Variants in OGFR observed in about 807,000 individuals in gnomAD.
OGFR encodes the protein opioid growth factor receptor, also known as protein 7-60.
In OGFR, 18 loss-of-function variants were observed where a neutral mutation model predicts 33.6. The observed-to-expected ratio is 0.54, with a 90% CI of 0.37 to 0.80. The LOEUF is 0.80. Ranked by LOEUF, OGFR falls within the 30% of genes least tolerant of loss-of-function variation. The pLI, the probability that OGFR is intolerant of heterozygous loss-of-function variation, is 0.00. For missense variants in OGFR, 877 were observed against 955.8 expected, an observed-to-expected ratio of 0.92 and a Z score of 1.09; for synonymous variants, 370 against 400.7, an observed-to-expected ratio of 0.92 and a Z score of 0.91.
At chr20:62,807,937 G>T in intron 2 of OGFR, 1 of 599,712 alleles carries the variant, frequency 1.7e-6, no homozygotes, top group Non-Finnish European at 3.0e-6. Context: ...CCTGTCTCCT[G>T]CAGGTTGTCC....
chr20:62,808,169 C>G, intron 2 of OGFR, 78 bp from the exon 3 acceptor site: 1 of 1,130,422 alleles, frequency 8.8e-7, no homozygotes, highest in Non-Finnish European at 1.4e-6. Context: ...GCAGATGCGC[C>G]TCCCCGAAAG....
chr20:62,810,832 G>A (rs11698564), intron 5 of OGFR, among the ~76,000 whole-genome samples: 9,217 of 152,380 alleles, frequency 0.06, 337 homozygotes, highest in South Asian at 0.13. Flanking sequence ...GAGACCCGGA[G>A]TGGCGGGACC....
Position 62,813,847 on chromosome 20 carries a change from C to G in OGFR, c.*198C>G, listed in dbSNP as rs1286272122. On this transcript the variant is annotated 3_prime_UTR_variant, in exon 7 of 7. Coordinates refer to ENST00000290291, the MANE Select transcript of OGFR (RefSeq NM_007346.4). The stretch of plus-strand genomic sequence containing the variant: ...CAGGGAAGCCCAAGGCCTGCAGAAG[C>G]CTCCTGGCCTGGCTGTGTCTTCCCC... 1 of 628,530 alleles carries G rather than the reference C, an allele frequency of 1.6e-6. No individual in the cohort carries two copies. Among genetic ancestry groups the G allele is most frequent in the Non-Finnish European group, 2.8e-6 (1 of 362,688 alleles). The allele number at this position is 628,530 out of a possible 1,614,324, so 38.9% of individuals were successfully genotyped here.
At position 62,811,530 on chromosome 20, in the gene OGFR, C is replaced by T. The variant is rs775204348; in HGVS notation, c.534C>T (p.Tyr178=). 3.4e-5 allele frequency: 55 copies of T among 1,607,782 alleles called. No homozygotes were observed. Among genetic ancestry groups the T allele is most frequent in the Admixed American group, 6.7e-5 (4 of 59,428 alleles). ...CCTACGAGCTCATGCTGGGCTTCTA[C>T]GGGATCCGGCTGGAGGACCGAGGCA... ...VRAYELMLGF[Y]GIRLEDRGTG... Residue 178 remains tyrosine, a synonymous_variant, in exon 6 of 7, where the codon TAC becomes TAT. Coordinates refer to ENST00000290291, the MANE Select transcript of OGFR (RefSeq NM_007346.4).
Position 62,804,894 on chromosome 20 carries a change from A to C in OGFR, c.35A>C (p.Glu12Ala), listed in dbSNP as rs1437407922. ...DDPDCDSTWEEDEEDAEDAED... is the reference protein window; with the variant it reads ...DDPDCDSTWEADEEDAEDAED... ...CCCGACTGCGACTCCACCTGGGAGG[A>C]GGACGAGGAGGATGCGGAGGACGCG... Residue 12 changes from glutamate (E) to alanine (A), a missense_variant, in exon 1 of 7, where the codon GAG becomes GCG. Around this residue, in one of 3 missense-constraint regions of OGFR, gnomAD observed 760 missense variants for 736.0 expected, o/e 1.03. Coordinates refer to ENST00000290291, the MANE Select transcript of OGFR (RefSeq NM_007346.4). The C allele has an allele frequency of 2.7e-6, 4 of 1,486,510 alleles. No homozygotes were observed. The Admixed American group carries it at 9.1e-5, about 34-fold the overall frequency. 92.1% of individuals were successfully genotyped at this position (1,486,510 alleles called of 1,614,324 possible).
rs150459760 is a variant in OGFR at position 62,813,622 on chromosome 20, G to A, written c.2007G>A (p.Glu669=). The change falls in exon 7 of 7, where the codon GAG becomes GAA. Residue 669 remains glutamate, a synonymous_variant. Coordinates refer to ENST00000290291, the MANE Select transcript of OGFR (RefSeq NM_007346.4). Reference sequence around the variant, plus strand: ...CAGAGTTGCAGGACGCAGAGGTGGAGTCTTCTGCCAAGTCTGGGAAGCCTT... The same window carrying A: ...CAGAGTTGCAGGACGCAGAGGTGGAATCTTCTGCCAAGTCTGGGAAGCCTT... The part of the protein sequence containing the change: ...EAAELQDAEV[E]SSAKSGKP 2.0e-4 allele frequency: 329 copies of A among 1,612,734 alleles called. 1 individual carries two copies. The African/African-American group carries it at 3.9e-3, about 19-fold the overall frequency.
rs778085314 is a variant in OGFR at position 62,812,590 on chromosome 20, C to G, written c.975C>G (p.Thr325=). The part of the protein sequence containing the change: ...SPGDPDHEAS[T]QGRTCGPEHS... ...GGGACCCCGACCACGAGGCCAGCAC[C>G]CAGGGTCGGACCTGTGGGCCAGAGC... The change falls in exon 7 of 7, where the codon ACC becomes ACG. Residue 325 remains threonine, a synonymous_variant. Transcript: ENST00000290291. The G allele has an allele frequency of 1.3e-6, 2 of 1,570,680 alleles. No homozygotes were observed. Among genetic ancestry groups the G allele is most frequent in the African/African-American group, 1.4e-5 (1 of 74,050 alleles).
At chr20:62,808,450 G>T in intron 3 of OGFR, 125 bp downstream of exon 3, 1 of 712,000 alleles carries the variant, frequency 1.4e-6, no homozygotes, top group Non-Finnish European at 2.4e-6. Context: ...TAGCCCCACA[G>T]TGCCCCCTGG....
At chr20:62,805,599 C>G (rs901801111) in intron 1 of OGFR, 1 of 152,282 alleles carries the variant, frequency 6.6e-6, no homozygotes, top group African/African-American at 2.4e-5. Context: ...GCCCCCCTGT[C>G]GGGGAGCTGG....
In OGFR at chr20:62,813,134, C is replaced by A. The variant is rs373481743; in HGVS notation, c.1519C>A (p.Arg507=). 18 of 1,579,396 alleles carry A rather than the reference C, an allele frequency of 1.1e-5. No homozygotes were observed. Among genetic ancestry groups the A allele is most frequent in the Admixed American group, 1.1e-4 (6 of 55,184 alleles). ...ENGVEEDTEG[R]TGPKEGTPGS... is the part of the protein sequence containing the mutation. ...CGGGGTTGAGGAGGACACAGAAGGT[C>A]GAACGGGGCCCAAAGAAGGTACCCC... is the stretch of plus-strand genomic sequence containing the variant. Residue 507 remains arginine, a synonymous_variant, in exon 7 of 7, where the codon CGA becomes AGA. Coordinates refer to ENST00000290291, the MANE Select transcript of OGFR (RefSeq NM_007346.4).
chr20:62,810,766 AACTC>A (rs1990710168), intron 5 of OGFR, among the ~76,000 whole-genome samples: 1 of 152,216 alleles, frequency 6.6e-6, no homozygotes, highest in Non-Finnish European at 1.5e-5. Flanking sequence ...CATCTAGAGA[AACTC>A]AATTTCCGAG....
rs747728332 is a variant in OGFR at position 62,813,100 on chromosome 20, CAGTG to C, written c.1488_1491del (p.Ser496ArgfsTer217). On this transcript the variant is annotated frameshift_variant, in exon 7 of 7. Transcript: ENST00000290291. LOFTEE classifies it low-confidence loss of function (END_TRUNC). ...CATCGGGGCACCCCAAGGCTGGACA[CAGTG>C]AGAACGGGGTTGAGGAGGACACAGA... 1.1e-4 allele frequency: 168 copies of C among 1,579,464 alleles called. No homozygotes were observed. The highest frequency in any genetic ancestry group is 3.4e-4 in the Middle Eastern group (2 of 5,864).
chr20:62,812,337 T>C lies in OGFR; in HGVS notation c.722T>C (p.Leu241Pro). ...PLVRFFLEET[L>P]VRRELPGVRQ... ...GTCCGCTTCTTCCTGGAGGAGACGC[T>C]GGTGCGGCGGGAGCTGCCGGGGGTG... Residue 241 changes from leucine to proline, a missense_variant, in exon 7 of 7, where the codon CTG becomes CCG. Physicochemically the swap from Leu to Pro is moderately conservative, Grantham distance 98. Transcript: ENST00000290291. 6.4e-7 allele frequency: 1 copy of C among 1,571,100 alleles called. No individual in the cohort carries two copies. The highest frequency in any genetic ancestry group is 8.6e-7 in the Non-Finnish European group (1 of 1,158,756).
At position 62,812,914 on chromosome 20, in the gene OGFR, T is replaced by G; in HGVS notation, c.1299T>G (p.Gly433=). Residue 433 remains glycine, a synonymous_variant, in exon 7 of 7, where the codon GGT becomes GGG. Transcript: ENST00000290291. ...GGACGGGGACCCAGGAAGTGGGCGG[T>G]CAGGACCCTGGGGAGGCAGTGCAGC... ...SLRTGTQEVG[G]QDPGEAVQPC... The G allele has an allele frequency of 6.2e-7, 1 of 1,612,304 alleles. No individual in the cohort carries two copies. The highest frequency in any genetic ancestry group is 8.5e-7 in the Non-Finnish European group (1 of 1,179,878).
In OGFR at chr20:62,810,486, T is replaced by G. The variant is rs1226199534; in HGVS notation, c.399-13T>G. ...TCTCCTAATCCCTTGCCTGAGCATC[T>G]CTTCTCCTGCAGGCTGTTTCCTCTG... On this transcript the variant is annotated splice_polypyrimidine_tract_variant and intron_variant, in intron 4 of 6. Coordinates refer to ENST00000290291, the MANE Select transcript of OGFR (RefSeq NM_007346.4). 6.2e-7 allele frequency: 1 copy of G among 1,612,908 alleles called. No individual in the cohort carries two copies. Among genetic ancestry groups the G allele is most frequent in the African/African-American group, 1.3e-5 (1 of 74,940 alleles).
chr20:62,810,800 G>A (rs1335499374), intron 5 of OGFR, among the ~76,000 whole-genome samples: 4 of 152,270 alleles, frequency 2.6e-5, no homozygotes, highest in African/African-American at 9.6e-5. Context: ...CCCCATGCGG[G>A]AGTCTGGGGC....
chr20:62,812,272 G>A lies in OGFR; in HGVS notation c.657G>A (p.Ser219=), dbSNP rs781191511. The change falls in exon 7 of 7, where the codon TCG becomes TCA. Residue 219 remains serine, a synonymous_variant. Coordinates refer to ENST00000290291, the MANE Select transcript of OGFR (RefSeq NM_007346.4). ...NNLRITRILK[S]LGELGLEHFQ... ...TCCGCATCACACGCATCCTCAAGTC[G>A]CTGGGTGAGCTGGGCCTCGAGCACT... The A allele has an allele frequency of 4.2e-5, 64 of 1,531,632 alleles. No individual in the cohort carries two copies. The highest frequency in any genetic ancestry group is 4.9e-5 in the Non-Finnish European group (56 of 1,138,978). 94.9% of individuals were successfully genotyped at this position (1,531,632 alleles called of 1,614,324 possible). A position where few individuals can be genotyped will look rare whatever the true frequency, so the allele number is the denominator to read the frequency against.
Position 62,804,883 on chromosome 20 carries a change from C to T in OGFR, c.24C>T (p.Ser8=), listed in dbSNP as rs985604812. 5 of 1,492,810 alleles carry T rather than the reference C, an allele frequency of 3.3e-6. No individual in the cohort carries two copies. The African/African-American group carries it at 7.3e-5, about 22-fold the overall frequency. 92.5% of individuals were successfully genotyped at this position (1,492,810 alleles called of 1,614,324 possible). A position where few individuals can be genotyped will look rare whatever the true frequency, so the allele number is the denominator to read the frequency against. MDDPDCD[S]TWEEDEEDAE... is the part of the protein sequence containing the mutation. Reference sequence around the variant, plus strand: ...GCATGGACGACCCCGACTGCGACTCCACCTGGGAGGAGGACGAGGAGGATG... The same window carrying T: ...GCATGGACGACCCCGACTGCGACTCTACCTGGGAGGAGGACGAGGAGGATG... The change falls in exon 1 of 7, where the codon TCC becomes TCT. Residue 8 remains serine (S), a synonymous_variant. Transcript: ENST00000290291.
At chr20:62,807,773 C>T (rs1455564182) in intron 2 of OGFR, 168 bp downstream of exon 2, 2 of 665,000 alleles carry the variant, frequency 3.0e-6, no homozygotes, top group Non-Finnish European at 5.2e-6. Context: ...CAGAGCCCTG[C>T]CCTTCCCCTC....
Sources: allele counts gnomAD v4.1 joint callset (sites outside exome capture counted in the v4.1 genomes callset), GRCh38; gene constraint gnomAD v4.1.1; regional missense constraint gnomAD v4.1.1; transcripts MANE v1.5; gene names NCBI Gene and HGNC (gene_info 2026-07-23, HGNC 2026-07-21).